NHSL3: variants seen among roughly 807,000 people sequenced by gnomAD.
NHSL3 encodes NHS-like protein 3.
the NHSL3 span, chr1:32,765,708 C>A: frequency 1.3e-6 from 2 of 1,542,994 alleles, no homozygotes; most frequent in Non-Finnish European, 1.7e-6. Context: ...GAAGGTACGC[C>A]CCGCGCTCTG....
chr1:32,751,832 A>T, the NHSL3 span, among the ~76,000 whole-genome samples: 1 of 152,090 alleles, frequency 6.6e-6, no homozygotes, highest in Non-Finnish European at 1.5e-5. Flanking sequence ...CATCTCAGAG[A>T]TGAGGTCGGA....
At chr1:32,742,243 A>AG in the NHSL3 span, 3 of 1,233,062 alleles carry the variant, frequency 2.4e-6, no homozygotes, top group Non-Finnish European at 1.0e-6. Flanking sequence ...GGTGCGGCCG[A>AG]GGGGGCTCTG....
chr1:32,754,091 T>G, the NHSL3 span: 1 of 671,180 alleles, frequency 1.5e-6, no homozygotes, highest in Non-Finnish European at 2.7e-6. Flanking sequence ...GCACCCGCAA[T>G]GGGGAACTCA....
chr1:32,765,988 C>A, the NHSL3 span, among the ~76,000 whole-genome samples: 1 of 152,116 alleles, frequency 6.6e-6, no homozygotes, highest in Non-Finnish European at 1.5e-5. Context: ...TTTTGTCCAG[C>A]CGCTTTGTTG....
At chr1:32,752,294 G>C in the NHSL3 span, among the ~76,000 whole-genome samples, 16 of 152,174 alleles carry the variant, frequency 1.1e-4, no homozygotes, top group Non-Finnish European at 2.4e-4. Context: ...TGCAGGGAGG[G>C]AAGAGGGTTT....
At chr1:32,765,890 A>C in the NHSL3 span, 2 of 1,446,304 alleles carry the variant, frequency 1.4e-6, no homozygotes, top group Non-Finnish European at 1.9e-6. Flanking sequence ...CCAGACCCTT[A>C]TGTAGAATGA....
chr1:32,767,635 G>C, the NHSL3 span: 1 of 658,508 alleles, frequency 1.5e-6, no homozygotes, highest in Non-Finnish European at 2.6e-6. Flanking sequence ...CAGAACTGTG[G>C]GTTATGTGTC....
At chr1:32,754,014 C>G in the NHSL3 span, 3 of 475,074 alleles carry the variant, frequency 6.3e-6, no homozygotes, top group South Asian at 3.8e-5. Context: ...TCGCTGCCTC[C>G]CTCCCGGGGC....
At chr1:32,746,916 G>A in the NHSL3 span, among the ~76,000 whole-genome samples, 13 of 152,230 alleles carry the variant, frequency 8.5e-5, no homozygotes, top group East Asian at 3.9e-4. Context: ...AGTGGGCAGC[G>A]GCTGAGGGGT....
At chr1:32,771,891 G>C in the NHSL3 span, 1 of 1,589,766 alleles carries the variant, frequency 6.3e-7, no homozygotes, top group Non-Finnish European at 8.6e-7. Context: ...CAGCACTGGG[G>C]CCATCGGCCC....
At chr1:32,750,824 A>AT in the NHSL3 span, among the ~76,000 whole-genome samples, 2 of 128,592 alleles carry the variant, frequency 1.6e-5, no homozygotes, top group African/African-American at 3.0e-5. Flanking sequence ...TTATTTATTT[A>AT]TTTTTTTGAG....
the NHSL3 span, among the ~76,000 whole-genome samples, chr1:32,760,907 G>C: frequency 3.3e-5 from 5 of 152,154 alleles, no homozygotes; most frequent in Non-Finnish European, 5.9e-5. Context: ...GTGGTTTTGA[G>C]AGTGCCCACC....
the NHSL3 span, among the ~76,000 whole-genome samples, chr1:32,760,836 G>T: frequency 2.6e-5 from 4 of 152,082 alleles, no homozygotes; most frequent in African/African-American, 9.7e-5. Context: ...CGATCCACCC[G>T]CCTTGGCCTC....
At chr1:32,767,886 G>T in the NHSL3 span, 2 of 1,614,084 alleles carry the variant, frequency 1.2e-6, no homozygotes, top group Non-Finnish European at 1.7e-6. Context: ...TTCTTTCCCA[G>T]TGGGCGACCC....
the NHSL3 span, among the ~76,000 whole-genome samples, chr1:32,755,470 C>CT: frequency 1.3e-5 from 2 of 152,122 alleles, no homozygotes; most frequent in Admixed American, 1.3e-4. Context: ...AGTGGGGGAC[C>CT]TCTCCTCTCA....
the NHSL3 span, among the ~76,000 whole-genome samples, chr1:32,752,887 G>GA: frequency 4.0e-3 from 378 of 94,610 alleles, 4 homozygotes; most frequent in African/African-American, 8.9e-3. Context: ...CGTTTTTAAA[G>GA]AAAAAAAAAA....
the NHSL3 span, chr1:32,768,635 T>C: frequency 1.9e-5 from 30 of 1,613,578 alleles, no homozygotes; most frequent in East Asian, 6.7e-4. Context: ...CACCCAGATC[T>C]CCTTCTACCC....
chr1:32,762,699 C>A, the NHSL3 span, among the ~76,000 whole-genome samples: 4 of 152,044 alleles, frequency 2.6e-5, no homozygotes, highest in African/African-American at 9.7e-5. Flanking sequence ...AAGCGATTTT[C>A]CTGCCTCAGC....
chr1:32,752,620 C>T, the NHSL3 span, among the ~76,000 whole-genome samples: 1 of 152,124 alleles, frequency 6.6e-6, no homozygotes, highest in Non-Finnish European at 1.5e-5. Context: ...CTCTGTCACC[C>T]AGGCTGGAGT....
Sources: allele counts gnomAD v4.1 joint callset (sites outside exome capture counted in the v4.1 genomes callset), GRCh38; gene constraint gnomAD v4.1.1; transcripts MANE v1.5; gene names NCBI Gene and HGNC (gene_info 2026-07-23, HGNC 2026-07-21).